Variants in UNC13C observed in about 807,000 individuals in gnomAD.
The protein encoded by UNC13C is protein unc-13 homolog C.
Under a neutral mutation model 245.4 loss-of-function variants are expected in UNC13C, and 174 were observed. That is an observed-to-expected ratio of 0.71 (90% CI 0.63 to 0.80). The LOEUF is 0.80. Ranked by LOEUF, UNC13C falls within the 30% of genes least tolerant of loss-of-function variation. The pLI, the probability that UNC13C is intolerant of heterozygous loss-of-function variation, is 0.00. For synonymous variants in UNC13C, 992 were observed against 895.1 expected, an observed-to-expected ratio of 1.11 and a Z score of -1.93; for missense variants, 2,829 against 2,602.9, an observed-to-expected ratio of 1.09 and a Z score of -1.89.
the UNC13C span, among the ~76,000 whole-genome samples, chr15:53,851,162 C>T: frequency 1.3e-5 from 2 of 152,028 alleles, no homozygotes; most frequent in East Asian, 3.9e-4. Context: ...CTATGTCATG[C>T]TTAAGTGTGT....
At position 54,271,873 on chromosome 15, in the gene UNC13C, A is replaced by G. The variant is rs117486837; in HGVS notation, c.3818+6377A>G. ...TTCTACGTATGTAACCGACTGGACA[A>G]TCAGCTCCACTTACTTCTTGGAGTA... is the stretch of plus-strand genomic sequence containing the variant. On this transcript the variant is annotated intron_variant, in intron 10 of 32. Transcript: ENST00000260323. Among the ~76,000 whole-genome samples, 120 of 152,352 alleles carry G rather than the reference A, an allele frequency of 7.9e-4. 5 individuals are homozygous for G. In the East Asian group the frequency reaches 0.021, roughly 27 times the overall value.
chr15:54,439,408 A>C (rs1463638812), intron 19 of UNC13C, among the ~76,000 whole-genome samples: 1 of 151,926 alleles, frequency 6.6e-6, no homozygotes, highest in Non-Finnish European at 1.5e-5. Context: ...TCTCTTCTTC[A>C]AGGAAAATGA....
intron 8 of UNC13C, 85 bp from the exon 9 acceptor site, chr15:54,264,083 A>G: frequency 7.3e-7 from 1 of 1,363,844 alleles, no homozygotes; most frequent in Non-Finnish European, 1.0e-6. Context: ...ATTCATTCTC[A>G]CTTCCTCCTC....
intron 18 of UNC13C, among the ~76,000 whole-genome samples, chr15:54,414,359 G>C (rs922958437): frequency 2.6e-5 from 4 of 152,082 alleles, no homozygotes; most frequent in South Asian, 2.1e-4. Flanking sequence ...ATAAAAAGAC[G>C]GAGTCGGCCA....
At chr15:53,862,531 C>T in the UNC13C span, among the ~76,000 whole-genome samples, 1 of 152,078 alleles carries the variant, frequency 6.6e-6, no homozygotes, top group South Asian at 2.1e-4. Context: ...TTCTATCAGA[C>T]TTTAGGGTCT....
the UNC13C span, among the ~76,000 whole-genome samples, chr15:53,925,121 C>G: frequency 6.6e-6 from 1 of 152,144 alleles, no homozygotes; most frequent in Non-Finnish European, 1.5e-5. Context: ...AAAGGGGAAT[C>G]TGTTTACATT....
chr15:54,319,366 G>A (rs1174714089), intron 13 of UNC13C, among the ~76,000 whole-genome samples: 1 of 147,742 alleles, frequency 6.8e-6, no homozygotes, highest in African/African-American at 2.5e-5. Flanking sequence ...AATATTTTTT[G>A]TTAAATAAAT....
At chr15:54,391,150 A>G (rs1165835977) in intron 17 of UNC13C, among the ~76,000 whole-genome samples, 1 of 152,114 alleles carries the variant, frequency 6.6e-6, no homozygotes, top group African/African-American at 2.4e-5. Flanking sequence ...GTGATGTTAC[A>G]CATATCATGT....
intron 4 of UNC13C, among the ~76,000 whole-genome samples, chr15:54,181,528 G>T (rs1020785858): frequency 2.0e-5 from 3 of 151,670 alleles, no homozygotes; most frequent in Admixed American, 1.3e-4. Flanking sequence ...TGGCTATTGG[G>T]ACCCTTTTTT....
At chr15:54,211,299 G>A (rs1490116647) in intron 4 of UNC13C, among the ~76,000 whole-genome samples, 1 of 152,044 alleles carries the variant, frequency 6.6e-6, no homozygotes, top group African/African-American at 2.4e-5. Flanking sequence ...AGGGTCCATG[G>A]CAATCAAAGA....
intron 30 of UNC13C, among the ~76,000 whole-genome samples, chr15:54,574,426 A>G (rs17818589): frequency 0.012 from 1,852 of 152,344 alleles, 27 homozygotes; most frequent in Non-Finnish European, 0.021. Context: ...TTCTCTAACA[A>G]CTATTTCATG....
chr15:54,449,813 T>A (rs142638541), intron 19 of UNC13C, among the ~76,000 whole-genome samples: 1 of 152,222 alleles, frequency 6.6e-6, no homozygotes, highest in African/African-American at 2.4e-5. Context: ...CCACTGCTGG[T>A]GAGGAGCTGC....
intron 2 of UNC13C, among the ~76,000 whole-genome samples, chr15:54,113,960 A>G (rs965314842): frequency 6.6e-5 from 10 of 152,198 alleles, no homozygotes; most frequent in African/African-American, 2.2e-4. Flanking sequence ...GTCTATTACA[A>G]CAGTCTAGTA....
chr15:54,099,667 C>T (rs564093658), intron 2 of UNC13C, among the ~76,000 whole-genome samples: 39 of 152,166 alleles, frequency 2.6e-4, no homozygotes, highest in African/African-American at 9.2e-4. Context: ...TCGAATATTC[C>T]CCCTTTGATT....
intron 13 of UNC13C, among the ~76,000 whole-genome samples, chr15:54,313,345 T>C (rs866923385): frequency 3.9e-5 from 6 of 151,930 alleles, no homozygotes; most frequent in Middle Eastern, 3.4e-3. Flanking sequence ...CTTTAGTTTA[T>C]ATTTGGGTTC....
chr15:54,614,356 C>T (rs188660099), intron 30 of UNC13C, among the ~76,000 whole-genome samples: 3 of 151,980 alleles, frequency 2.0e-5, no homozygotes, highest in Non-Finnish European at 2.9e-5. Context: ...AGCAAATTTT[C>T]GACTCTATAG....
chr15:53,923,958 G>T, the UNC13C span, among the ~76,000 whole-genome samples: 1 of 152,234 alleles, frequency 6.6e-6, no homozygotes, highest in Non-Finnish European at 1.5e-5. Context: ...TGTAATCCCA[G>T]CACTTTGGGA....
the UNC13C span, among the ~76,000 whole-genome samples, chr15:53,848,226 T>C: frequency 6.6e-6 from 1 of 152,104 alleles, no homozygotes; most frequent in East Asian, 1.9e-4. Flanking sequence ...GGTTTTATAT[T>C]TTTCTTTCTA....
In UNC13C at chr15:54,012,922, A is replaced by T; in HGVS notation, c.19A>T (p.Lys7Ter). The change falls in exon 2 of 33, where the codon AAG becomes TAG. Residue 7 changes from lysine to a stop codon, truncating the protein, a stop_gained. Coordinates refer to ENST00000260323, the MANE Select transcript of UNC13C (RefSeq NM_001080534.3). LOFTEE classifies it high-confidence loss of function. MVANFF[K>*]SLILPYIHKL... is the part of the protein sequence containing the mutation. ...GCTCTCCATGGTGGCTAATTTTTTCAAGAGCTTGATTTTACCTTACATTCA... is the reference window on the plus strand; with the variant it reads ...GCTCTCCATGGTGGCTAATTTTTTCTAGAGCTTGATTTTACCTTACATTCA... 6.3e-7 allele frequency: 1 copy of T among 1,597,864 alleles called. No individual in the cohort carries two copies. Among genetic ancestry groups the T allele is most frequent in the Non-Finnish European group, 8.5e-7 (1 of 1,173,324 alleles).
Sources: gnomAD v4.1 joint callset for allele counts (sites outside exome capture counted in the v4.1 genomes callset) on GRCh38, gnomAD v4.1.1 for gene constraint, MANE v1.5 for transcripts, NCBI Gene and HGNC (gene_info 2026-07-23, HGNC 2026-07-21) for gene names.